CYP4F2: variants seen among roughly 807,000 people sequenced by gnomAD.
The protein encoded by CYP4F2 is cytochrome P450 family 4 subfamily F member 2.
CYP4F2 carries 58 observed loss-of-function variants against 58.9 expected under a neutral mutation model. The ratio of observed to expected loss-of-function variants is 0.98; its 90% CI spans 0.80 to 1.23. CYP4F2 has a LOEUF of 1.23. Ranked by LOEUF, CYP4F2 falls within the 50% of genes most tolerant of loss-of-function variation. CYP4F2 has a pLI of 0.00. For synonymous variants in CYP4F2, 287 were observed against 261.1 expected (o/e 1.10, Z -0.95); for missense variants, 616 against 685.6 (o/e 0.90, Z 1.13).
chr19:15,883,170 G>A (rs184354963), intron 9 of CYP4F2, among the ~76,000 whole-genome samples: 2 of 152,198 alleles, frequency 1.3e-5, no homozygotes, highest in Non-Finnish European at 2.9e-5. Flanking sequence ...TCAACAAAGT[G>A]AAGAATCAAC....
intron 9 of CYP4F2, among the ~76,000 whole-genome samples, chr19:15,881,482 G>T (rs901879945): frequency 6.6e-6 from 1 of 151,880 alleles, no homozygotes; most frequent in African/African-American, 2.4e-5. Context: ...AGAATAGACA[G>T]ATACATACAT....
chr19:15,894,294 C>T (rs3093128), intron 3 of CYP4F2, among the ~76,000 whole-genome samples: 22,940 of 152,142 alleles, frequency 0.15, 1,842 homozygotes, highest in Non-Finnish European at 0.17. Context: ...CTGGAAGACC[C>T]AGGCCTACCA....
In CYP4F2 at chr19:15,895,489, G is replaced by C; in HGVS notation, c.343+17C>G. 6.7e-7 allele frequency: 1 copy of C among 1,486,794 alleles called. No homozygotes were observed. The highest frequency in any genetic ancestry group is 8.9e-7 in the Non-Finnish European group (1 of 1,125,574). The allele number at this position is 1,486,794 out of a possible 1,614,324, so 92.1% of individuals were successfully genotyped here. The stretch of plus-strand genomic sequence containing the variant: ...AGGCCTCAAATGCACTGCCCCACCA[G>C]CTGTTCCAGATGGTACCTGAGGCGT... On this transcript the variant is annotated intron_variant, in intron 3 of 12. Coordinates refer to ENST00000221700, the MANE Select transcript of CYP4F2 (RefSeq NM_001082.5).
chr19:15,889,574 A>T lies in CYP4F2; in HGVS notation c.767T>A (p.Phe256Tyr). ...LYYLTPDGQRFRRACRLVHDF... is the reference protein window; with the variant it reads ...LYYLTPDGQRYRRACRLVHDF... ...GTGCACCAGGCGGCAGGCCCTGCGG[A>T]AACGCTGCCCATCAGGGGTGAGATA... The change falls in exon 7 of 13, where the codon TTC becomes TAC. Residue 256 changes from phenylalanine to tyrosine, a missense_variant. Phe to Tyr is a conservative substitution (Grantham distance 22). Coordinates refer to ENST00000221700, the MANE Select transcript of CYP4F2 (RefSeq NM_001082.5). 6.2e-7 allele frequency: 1 copy of T among 1,614,218 alleles called. No homozygotes were observed. The highest frequency in any genetic ancestry group is 8.5e-7 in the Non-Finnish European group (1 of 1,180,038).
chr19:15,894,975 T>C (rs888013955), intron 3 of CYP4F2, among the ~76,000 whole-genome samples: 1 of 152,106 alleles, frequency 6.6e-6, no homozygotes, highest in African/African-American at 2.4e-5. Context: ...TCCTCCTCAT[T>C]GTTCTAGGCT....
At chr19:15,895,318 A>AG (rs2089441090) in intron 3 of CYP4F2, among the ~76,000 whole-genome samples, 188 bp downstream of exon 3, 1 of 152,200 alleles carries the variant, frequency 6.6e-6, no homozygotes. Context: ...ACACCAGAAC[A>AG]GGGGGTAGAT....
intron 9 of CYP4F2, among the ~76,000 whole-genome samples, chr19:15,882,199 C>G (rs1052517442): frequency 2.6e-5 from 4 of 151,276 alleles, no homozygotes; most frequent in Non-Finnish European, 5.9e-5. Context: ...AAGCTGAGAT[C>G]GTGCCACTGC....
At chr19:15,894,848 T>C (rs1342532099) in intron 3 of CYP4F2, among the ~76,000 whole-genome samples, 2 of 152,112 alleles carry the variant, frequency 1.3e-5, no homozygotes, top group African/African-American at 2.4e-5. Flanking sequence ...CCCCGGGACC[T>C]GCAGCAGGAG....
chr19:15,879,539 T>A, intron 11 of CYP4F2, 65 bp downstream of exon 11: 1 of 1,610,434 alleles, frequency 6.2e-7, no homozygotes, highest in Non-Finnish European at 8.5e-7. Flanking sequence ...ATACTCCTGA[T>A]CAAAACCCTG....
intron 5 of CYP4F2, 83 bp from the exon 6 acceptor site, chr19:15,890,516 C>G: frequency 6.4e-7 from 1 of 1,572,086 alleles, no homozygotes; most frequent in South Asian, 1.2e-5. Context: ...AGATGGGCTC[C>G]CCAGAATAAG....
At chr19:15,879,500 G>T (rs572382051) in intron 11 of CYP4F2, 72 bp from the exon 12 acceptor site, 41 of 1,606,914 alleles carry the variant, frequency 2.6e-5, no homozygotes, top group Non-Finnish European at 3.2e-5. Context: ...ACAGACAGTT[G>T]TGTGTGTCTT....
At chr19:15,892,204 G>C (rs1568473146) in intron 5 of CYP4F2, 105 bp downstream of exon 5, 2 of 1,541,432 alleles carry the variant, frequency 1.3e-6, no homozygotes, top group African/African-American at 2.8e-5. Flanking sequence ...GTGAGAAAGA[G>C]CAATGGCCCA....
At position 15,895,633 on chromosome 19, in the gene CYP4F2, C is replaced by T. The variant is rs750670258; in HGVS notation, c.216G>A (p.Glu72=). Residue 72 remains glutamate, a synonymous_variant, in exon 3 of 13, where the codon GAG becomes GAA. Coordinates refer to ENST00000221700, the MANE Select transcript of CYP4F2 (RefSeq NM_001082.5). The stretch of plus-strand genomic sequence containing the variant: ...CCAGCTGAGTCAGAACTCTCATGCC[C>T]TCCTCTGTGGGGTTGACCTGCAAGC... ...GHQGMVNPTE[E]GMRVLTQLVA... 2 of 1,598,704 alleles carry T rather than the reference C, an allele frequency of 1.3e-6. No homozygotes were observed. Among genetic ancestry groups the T allele is most frequent in the South Asian group, 1.1e-5 (1 of 88,324 alleles).
chr19:15,897,390 G>A, intron 2 of CYP4F2, 24 bp downstream of exon 2: 2 of 1,565,734 alleles, frequency 1.3e-6, no homozygotes. Context: ...CTGAGACCTA[G>A]ACCCATCCTG....
At chr19:15,895,392 G>C in intron 3 of CYP4F2, 114 bp downstream of exon 3, 1 of 1,292,748 alleles carries the variant, frequency 7.7e-7, no homozygotes, top group Admixed American at 3.0e-5. Context: ...GATGAAGATA[G>C]CTGAGAGGGA....
In CYP4F2 at chr19:15,879,389, C is replaced by G. The variant is rs1051268812; in HGVS notation, c.1354G>C (p.Glu452Gln). 5 of 1,614,002 alleles carry G rather than the reference C, an allele frequency of 3.1e-6. No homozygotes were observed. Among genetic ancestry groups the G allele is most frequent in the Non-Finnish European group, 3.4e-6 (4 of 1,180,028 alleles). Residue 452 changes from glutamate (E) to glutamine (Q), a missense_variant, in exon 12 of 13, where the codon GAG becomes CAG. By Grantham distance (29) the Glu-to-Gln change is conservative. Coordinates refer to ENST00000221700, the MANE Select transcript of CYP4F2 (RefSeq NM_001082.5). ...PFRFDPENIK[E>Q]RSPLAFIPFS... ...GGAATAAAAGCCAGAGGTGACCTCT[C>G]CTTGATGTTCTCTGGGTCAAAGCGA...
chr19:15,883,216 T>C (rs1360219845), intron 9 of CYP4F2, among the ~76,000 whole-genome samples: 1 of 152,156 alleles, frequency 6.6e-6, no homozygotes, highest in Non-Finnish European at 1.5e-5. Context: ...AAATTACTCA[T>C]CTGACAAGCG....
chr19:15,879,057 G>T (rs2089325457), intron 12 of CYP4F2, 121 bp from the exon 13 acceptor site: 2 of 1,457,068 alleles, frequency 1.4e-6, no homozygotes, highest in Non-Finnish European at 1.8e-6. Flanking sequence ...TAGAGAAGGG[G>T]GTATCCGTGC....
Position 15,879,610 on chromosome 19 carries a change from G to T in CYP4F2, c.1308C>A (p.Asp436Glu), listed in dbSNP as rs778729533. Residue 436 changes from aspartate (D) to glutamate (E), a missense_variant, in exon 11 of 13, where the codon GAC becomes GAA. Asp to Glu is a conservative substitution (Grantham distance 45). Transcript: ENST00000221700. ...GTHHNPAVWPDPEVYDPFRFD... is the reference protein window; with the variant it reads ...GTHHNPAVWPEPEVYDPFRFD... ...AGAGAGAGGGGCCCCGCACCTCAGG[G>T]TCCGGCCACACAGCTGGGTTGTGAT... The T allele has an allele frequency of 8.1e-6, 13 of 1,614,112 alleles. No individual in the cohort carries two copies. The highest frequency in any genetic ancestry group is 1.1e-5 in the South Asian group (1 of 91,086).
Sources: gnomAD v4.1 joint callset for allele counts (sites outside exome capture counted in the v4.1 genomes callset) on GRCh38, gnomAD v4.1.1 for gene constraint, MANE v1.5 for transcripts, NCBI Gene and HGNC (gene_info 2026-07-23, HGNC 2026-07-21) for gene names.